DYRK1A: variants seen among roughly 807,000 people sequenced by gnomAD.
The protein encoded by DYRK1A is dual specificity tyrosine-phosphorylation-regulated kinase 1A.
In DYRK1A, 9 loss-of-function variants were observed where a neutral mutation model predicts 79.7. The ratio of observed to expected loss-of-function variants is 0.11; its 90% CI spans 0.07 to 0.20. DYRK1A has a LOEUF of 0.20. Ranked by LOEUF, DYRK1A falls within the 10% of genes least tolerant of loss-of-function variation. DYRK1A has a pLI of 1.00. For synonymous variants in DYRK1A, 349 were observed against 329.7 expected (o/e 1.06, Z -0.63); for missense variants, 622 against 956.0 (o/e 0.65, Z 4.61).
At chr21:37,368,266 G>A (rs2148348195) in intron 1 of DYRK1A, 1 of 152,394 alleles carries the variant, frequency 6.6e-6, no homozygotes, top group South Asian at 2.1e-4. Flanking sequence ...CCGGCAGCCG[G>A]GGGAGTTGGT....
intron 1 of DYRK1A, among the ~76,000 whole-genome samples, chr21:37,387,460 T>C (rs1371402358): frequency 6.6e-6 from 1 of 152,210 alleles, no homozygotes; most frequent in Non-Finnish European, 1.5e-5. Context: ...TACTTGTAAG[T>C]TTTCTCATTC....
At chr21:37,422,153 T>G (rs996229276) in intron 2 of DYRK1A, among the ~76,000 whole-genome samples, 2 of 152,168 alleles carry the variant, frequency 1.3e-5, no homozygotes, top group African/African-American at 4.8e-5. Flanking sequence ...CAATCTCTTA[T>G]TCAGCCTTGT....
At chr21:37,396,259 G>A (rs573358579) in intron 1 of DYRK1A, among the ~76,000 whole-genome samples, 2 of 152,180 alleles carry the variant, frequency 1.3e-5, no homozygotes, top group African/African-American at 4.8e-5. Context: ...GGGAGAAGTA[G>A]AATAGGGTTT....
intron 2 of DYRK1A, among the ~76,000 whole-genome samples, chr21:37,436,899 G>A (rs1328204471): frequency 6.6e-6 from 1 of 152,206 alleles, no homozygotes; most frequent in African/African-American, 2.4e-5. Context: ...TGACATGGTG[G>A]AGTATGGAGT....
chr21:37,418,844 G>A (rs1432041438), intron 1 of DYRK1A: 2 of 152,130 alleles, frequency 1.3e-5, no homozygotes, highest in African/African-American at 2.4e-5. Flanking sequence ...AATTGGAATG[G>A]TAGTTCTTCA....
chr21:37,486,715 G>T (rs545100824), intron 6 of DYRK1A, 101 bp downstream of exon 6: 4 of 1,217,288 alleles, frequency 3.3e-6, no homozygotes, highest in African/African-American at 1.6e-5. Context: ...TTTTAAAGTG[G>T]CTGATTAAAA....
intron 3 of DYRK1A, among the ~76,000 whole-genome samples, chr21:37,473,347 T>C (rs765198297): frequency 3.3e-4 from 50 of 152,214 alleles, no homozygotes; most frequent in Non-Finnish European, 6.2e-4. Flanking sequence ...TGCTATTTAT[T>C]CTAATATTCA....
chr21:37,425,521 T>G lies in DYRK1A; in HGVS notation c.10+5137T>G, dbSNP rs1253040323. On this transcript the variant is annotated intron_variant, in intron 2 of 11. Transcript: ENST00000647188. Reference sequence around the variant, plus strand: ...TCTGAGGTAAGCCACATTGTAAAATTGAATTTTTTACCTTAGTGTGTCTAT... The same window carrying G: ...TCTGAGGTAAGCCACATTGTAAAATGGAATTTTTTACCTTAGTGTGTCTAT... Among the ~76,000 whole-genome samples the G allele has an allele frequency of 4.6e-5, 7 of 152,250 alleles. No individual in the cohort carries two copies. The East Asian group carries it at 1.4e-3, about 29-fold the overall frequency.
intron 1 of DYRK1A, among the ~76,000 whole-genome samples, chr21:37,404,862 G>T (rs1366093746): frequency 1.3e-5 from 2 of 152,224 alleles, no homozygotes; most frequent in East Asian, 3.8e-4. Flanking sequence ...GTGCTTGGAG[G>T]AATGTAAGGA....
At chr21:37,391,923 A>T (rs1046598518) in intron 1 of DYRK1A, among the ~76,000 whole-genome samples, 1 of 152,254 alleles carries the variant, frequency 6.6e-6, no homozygotes, top group Non-Finnish European at 1.5e-5. Flanking sequence ...TTAAACAAAC[A>T]TACAGATCCT....
chr21:37,411,123 C>T (rs1034885022), intron 1 of DYRK1A, among the ~76,000 whole-genome samples: 4 of 147,914 alleles, frequency 2.7e-5, no homozygotes, highest in South Asian at 2.2e-4. Context: ...TTTGGGAGGC[C>T]GAGGTGGGTA....
chr21:37,474,831 G>A (rs186914564), intron 3 of DYRK1A, among the ~76,000 whole-genome samples: 11 of 152,282 alleles, frequency 7.2e-5, no homozygotes, highest in Admixed American at 6.5e-4. Flanking sequence ...GGCTATTCTA[G>A]TTTTCACAAT....
chr21:37,427,746 C>T (rs74750546), intron 2 of DYRK1A, among the ~76,000 whole-genome samples: 6 of 152,140 alleles, frequency 3.9e-5, no homozygotes, highest in Non-Finnish European at 8.8e-5. Flanking sequence ...AGCTGCACAT[C>T]AGAATTTTTC....
intron 11 of DYRK1A, among the ~76,000 whole-genome samples, chr21:37,511,503 A>G (rs2053747978): frequency 6.6e-6 from 1 of 152,194 alleles, no homozygotes; most frequent in Admixed American, 6.6e-5. Context: ...GCAGCTAGGT[A>G]GATAGTAGTC....
rs1303015306 is a variant in DYRK1A at position 37,521,451 on chromosome 21, C to T, written c.*8920C>T. On this transcript the variant is annotated 3_prime_UTR_variant, in exon 12 of 12. Coordinates refer to ENST00000647188, the MANE Select transcript of DYRK1A (RefSeq NM_001347721.2). ...GGTGTGAGAACTATATAAGAGAAAT[C>T]AACAAATATTAATTGAACACCAGTC... 6.6e-6 allele frequency: 1 copy of T among 152,194 alleles called. No homozygotes were observed. 9.4% of individuals were successfully genotyped at this position (152,194 alleles called of 1,614,324 possible). A position where few individuals can be genotyped will look rare whatever the true frequency, so the allele number is the denominator to read the frequency against.
intron 8 of DYRK1A, among the ~76,000 whole-genome samples, chr21:37,494,890 G>A (rs2053212208): frequency 6.6e-6 from 1 of 150,930 alleles, no homozygotes; most frequent in Non-Finnish European, 1.5e-5. Context: ...AGAGCTTGCA[G>A]TGAGCCGAGA....
At chr21:37,472,997 AT>A in intron 3 of DYRK1A, 117 bp downstream of exon 3, 1 of 776,418 alleles carries the variant, frequency 1.3e-6, no homozygotes, top group Non-Finnish European at 1.9e-6. Flanking sequence ...GCAACGTGGG[AT>A]TATGGATTGG....
chr21:37,453,173 T>C (rs2148506767), intron 2 of DYRK1A, among the ~76,000 whole-genome samples: 1 of 152,364 alleles, frequency 6.6e-6, no homozygotes, highest in South Asian at 2.1e-4. Context: ...TTAATTTACC[T>C]GGTGTTTCCA....
At chr21:37,408,603 T>C (rs949431169) in intron 1 of DYRK1A, among the ~76,000 whole-genome samples, 1 of 152,228 alleles carries the variant, frequency 6.6e-6, no homozygotes, top group Non-Finnish European at 1.5e-5. Context: ...TCATTCTCTA[T>C]AGCAAAAGTA....
Sources: allele counts gnomAD v4.1 joint callset (sites outside exome capture counted in the v4.1 genomes callset), GRCh38; gene constraint gnomAD v4.1.1; transcripts MANE v1.5; gene names NCBI Gene and HGNC (gene_info 2026-07-23, HGNC 2026-07-21).